Variants in EYS observed in about 807,000 individuals in gnomAD.
EYS encodes the protein protein eyes shut homolog.
Under a neutral mutation model 282.1 loss-of-function variants are expected in EYS, and 250 were observed. That is an observed-to-expected ratio of 0.89 (90% CI 0.80 to 0.98). The LOEUF (loss-of-function observed/expected upper bound fraction) is 0.98. Ranked by LOEUF, EYS falls within the 50% of genes least tolerant of loss-of-function variation. The pLI is 0.00. For synonymous variants in EYS, 1,355 were observed against 1,282.9 expected (o/e 1.06, Z -1.20); for missense variants, 4,016 against 3,709.0 (o/e 1.08, Z -2.15).
intron 26 of EYS, among the ~76,000 whole-genome samples, chr6:64,565,087 T>C (rs952299356): frequency 6.6e-6 from 1 of 152,166 alleles, no homozygotes; most frequent in Non-Finnish European, 1.5e-5. Flanking sequence ...GGTTTGCAGT[T>C]ATTTTCTCCC....
At chr6:64,963,888 CT>C (rs1046209697) in intron 14 of EYS, among the ~76,000 whole-genome samples, 176 of 152,070 alleles carry the variant, frequency 1.2e-3, no homozygotes, top group African/African-American at 4.0e-3. Flanking sequence ...AAAATAAACT[CT>C]TTTAAGTTGT....
At chr6:65,224,642 T>C (rs574560621) in intron 12 of EYS, among the ~76,000 whole-genome samples, 15 of 152,184 alleles carry the variant, frequency 9.9e-5, no homozygotes, top group Non-Finnish European at 2.2e-4. Context: ...TTGACAAACC[T>C]TTAGCTAGAT....
intron 1 of EYS, among the ~76,000 whole-genome samples, chr6:65,670,323 T>A (rs1768353018): frequency 6.6e-6 from 1 of 152,148 alleles, no homozygotes; most frequent in Non-Finnish European, 1.5e-5. Flanking sequence ...ATGGACCTTT[T>A]GGTTTCCCTT....
intron 36 of EYS, among the ~76,000 whole-genome samples, chr6:63,861,125 A>T (rs1772520722): frequency 6.6e-6 from 1 of 152,070 alleles, no homozygotes; most frequent in Non-Finnish European, 1.5e-5. Flanking sequence ...CTTTTTCTTC[A>T]TTTGTACAAA....
intron 30 of EYS, among the ~76,000 whole-genome samples, chr6:64,232,610 C>T (rs1028384988): frequency 3.9e-5 from 6 of 151,996 alleles, no homozygotes; most frequent in African/African-American, 9.7e-5. Flanking sequence ...AGGCTGGTCT[C>T]GAACTCCTGG....
At chr6:63,896,567 T>C (rs943087294) in intron 35 of EYS, among the ~76,000 whole-genome samples, 25 of 152,218 alleles carry the variant, frequency 1.6e-4, no homozygotes, top group African/African-American at 6.0e-4. Flanking sequence ...CACATTTTTA[T>C]AACTCCCAAA....
At chr6:64,535,262 C>T (rs536375403) in intron 26 of EYS, among the ~76,000 whole-genome samples, 1 of 152,144 alleles carries the variant, frequency 6.6e-6, no homozygotes, top group South Asian at 2.1e-4. Flanking sequence ...ACTTTAAGGC[C>T]TTAGAATACT....
intron 13 of EYS, among the ~76,000 whole-genome samples, chr6:65,016,560 T>C (rs1287558564): frequency 6.6e-6 from 1 of 152,204 alleles, no homozygotes; most frequent in African/African-American, 2.4e-5. Flanking sequence ...GTGGAGATAA[T>C]CTTTCTGTGC....
chr6:65,029,224 GAA>G (rs1006283979), intron 13 of EYS, among the ~76,000 whole-genome samples: 23 of 152,082 alleles, frequency 1.5e-4, no homozygotes, highest in African/African-American at 5.1e-4. Context: ...TTTAAGTAGA[GAA>G]TGATATTAAG....
At chr6:64,561,619 G>A (rs150537877) in intron 26 of EYS, among the ~76,000 whole-genome samples, 1 of 151,952 alleles carries the variant, frequency 6.6e-6, no homozygotes, top group Non-Finnish European at 1.5e-5. Flanking sequence ...AGCAAACCAG[G>A]GAGATGAAAG....
At chr6:65,285,114 G>A (rs77759397) in intron 12 of EYS, among the ~76,000 whole-genome samples, 2,005 of 151,906 alleles carry the variant, frequency 0.013, 51 homozygotes, top group African/African-American at 0.046. Flanking sequence ...TTGATACGTG[G>A]TATCTTTTAC....
chr6:64,037,013 G>T (rs1019826851), intron 33 of EYS, among the ~76,000 whole-genome samples: 1 of 152,162 alleles, frequency 6.6e-6, no homozygotes, highest in Non-Finnish European at 1.5e-5. Flanking sequence ...TTTTGGAAAT[G>T]TGGAGCCTCA....
chr6:65,602,854 A>G (rs187897930), intron 2 of EYS, among the ~76,000 whole-genome samples: 1 of 152,050 alleles, frequency 6.6e-6, no homozygotes, highest in East Asian at 1.9e-4. Context: ...CACACTTTTA[A>G]GTTTGCCTAA....
chr6:65,612,816 T>G (rs1002068655), intron 2 of EYS, among the ~76,000 whole-genome samples: 2 of 151,722 alleles, frequency 1.3e-5, no homozygotes, highest in Admixed American at 1.3e-4. Flanking sequence ...TTTATATTAG[T>G]TGATTGGGAA....
intron 31 of EYS, among the ~76,000 whole-genome samples, chr6:64,134,952 A>T (rs897966914): frequency 1.3e-5 from 2 of 152,140 alleles, no homozygotes; most frequent in Non-Finnish European, 2.9e-5. Flanking sequence ...AATGTTCATA[A>T]CTAGTAAGAA....
intron 31 of EYS, 64 bp downstream of exon 31, chr6:64,230,528 C>T: frequency 8.6e-7 from 1 of 1,158,400 alleles, no homozygotes. Context: ...TACATTTCAA[C>T]TCCTGTCCAT....
At chr6:64,298,200 G>A (rs747618706) in intron 30 of EYS, among the ~76,000 whole-genome samples, 8 of 151,966 alleles carry the variant, frequency 5.3e-5, no homozygotes, top group Non-Finnish European at 8.8e-5. Context: ...TGCACTTTTT[G>A]TTTTATAATA....
At chr6:65,055,270 A>G (rs185768616) in intron 13 of EYS, among the ~76,000 whole-genome samples, 24 of 152,216 alleles carry the variant, frequency 1.6e-4, no homozygotes, top group Non-Finnish European at 3.2e-4. Flanking sequence ...GGTGTGAGCC[A>G]CTATGTCCAG....
At chr6:65,162,019 G>T (rs1308843283) in intron 12 of EYS, among the ~76,000 whole-genome samples, 3 of 151,204 alleles carry the variant, frequency 2.0e-5, no homozygotes, top group African/African-American at 7.3e-5. Context: ...CTTACTTATG[G>T]TTAACTATTA....
Sources: allele counts gnomAD v4.1 joint callset (sites outside exome capture counted in the v4.1 genomes callset), GRCh38; gene constraint gnomAD v4.1.1; transcripts MANE v1.5; gene names NCBI Gene and HGNC (gene_info 2026-07-23, HGNC 2026-07-21).